Variants in GRIA1 observed in about 807,000 individuals in gnomAD.
GRIA1 encodes glutamate ionotropic receptor AMPA type subunit 1, also known as glutamate receptor 1.
In GRIA1, 31 loss-of-function variants were observed where a neutral mutation model predicts 99.2. The observed-to-expected ratio is 0.31, with a 90% CI of 0.23 to 0.42. The LOEUF is 0.42. Ranked by LOEUF, GRIA1 falls within the 10% of genes least tolerant of loss-of-function variation. The probability of loss-of-function intolerance (pLI) is 1.00; values close to 1 mark genes in which losing one functional copy is unlikely to be tolerated. For missense variants in GRIA1, 782 were observed against 1,157.5 expected, an observed-to-expected ratio of 0.68 and a Z score of 4.71; for synonymous variants, 438 against 432.4, an observed-to-expected ratio of 1.01 and a Z score of -0.16.
chr5:153,779,129 G>GTGC (rs1342423493), intron 13 of GRIA1, among the ~76,000 whole-genome samples: 1 of 152,154 alleles, frequency 6.6e-6, no homozygotes, highest in African/African-American at 2.4e-5. Context: ...TACCAATGAT[G>GTGC]TGCTGGGCAA....
At chr5:153,555,119 A>G (rs1268453365) in intron 2 of GRIA1, among the ~76,000 whole-genome samples, 1 of 152,088 alleles carries the variant, frequency 6.6e-6, no homozygotes, top group Non-Finnish European at 1.5e-5. Context: ...CATAATGTAC[A>G]TGTCACAGGA....
chr5:153,781,324 C>T (rs562224159), intron 13 of GRIA1, among the ~76,000 whole-genome samples: 2 of 151,810 alleles, frequency 1.3e-5, no homozygotes, highest in Non-Finnish European at 2.9e-5. Context: ...ATTCTTTATT[C>T]CCATGGGAAT....
At chr5:153,490,062 GGA>G (rs1216434862), upstream of GRIA1, among the ~76,000 whole-genome samples, 2 of 151,854 alleles carry the variant, frequency 1.3e-5, no homozygotes, top group African/African-American at 4.8e-5. Context: ...CCTTCCATTA[GGA>G]GAGAGAAAGC....
intron 2 of GRIA1, among the ~76,000 whole-genome samples, chr5:153,602,372 G>A (rs1012694994): frequency 2.0e-5 from 3 of 151,388 alleles, no homozygotes; most frequent in African/African-American, 7.3e-5. Flanking sequence ...ACACACTGGG[G>A]CCTGTTGTGG....
At chr5:153,531,414 A>T (rs531653408) in intron 2 of GRIA1, among the ~76,000 whole-genome samples, 9 of 152,204 alleles carry the variant, frequency 5.9e-5, no homozygotes, top group Admixed American at 5.9e-4. Context: ...CTGAAGTCCA[A>T]CCCCAAACCT....
chr5:153,490,534 C>A, upstream of GRIA1: 1 of 355,006 alleles, frequency 2.8e-6, no homozygotes. Flanking sequence ...ATAGAGCTTG[C>A]TGCCTGTGTG....
chr5:153,664,773 C>T (rs1347557356), intron 5 of GRIA1, among the ~76,000 whole-genome samples: 1 of 152,140 alleles, frequency 6.6e-6, no homozygotes, highest in African/African-American at 2.4e-5. Context: ...ATATTTCTTA[C>T]CTGGTTCCCA....
intron 13 of GRIA1, among the ~76,000 whole-genome samples, chr5:153,789,906 T>A (rs1055789509): frequency 4.6e-5 from 7 of 152,132 alleles, no homozygotes; most frequent in African/African-American, 1.7e-4. Flanking sequence ...GTTGTTGTTA[T>A]TTATCAACAA....
intron 2 of GRIA1, among the ~76,000 whole-genome samples, chr5:153,612,711 T>C (rs1766101795): frequency 6.6e-6 from 1 of 152,216 alleles, no homozygotes; most frequent in African/African-American, 2.4e-5. Context: ...CGTAAGGGAC[T>C]TCTTCTACTT....
intron 5 of GRIA1, among the ~76,000 whole-genome samples, chr5:153,669,688 A>G (rs911094880): frequency 6.6e-6 from 1 of 152,242 alleles, no homozygotes; most frequent in Non-Finnish European, 1.5e-5. Flanking sequence ...ATAAATGCCC[A>G]TTCTTTCCAA....
chr5:153,727,762 T>G (rs1357087504), intron 11 of GRIA1, among the ~76,000 whole-genome samples: 1 of 152,178 alleles, frequency 6.6e-6, no homozygotes, highest in Non-Finnish European at 1.5e-5. Flanking sequence ...GAACATTCCA[T>G]GCTCATGGGT....
intron 14 of GRIA1, among the ~76,000 whole-genome samples, chr5:153,796,134 T>G (rs897052516): frequency 9.2e-5 from 14 of 151,420 alleles, no homozygotes; most frequent in African/African-American, 2.4e-4. Context: ...CCAAGCAGGG[T>G]TCTCCATCCA....
chr5:153,578,148 C>CAAAAAAAAAAAAAAAAAAA (rs60901793), intron 2 of GRIA1, among the ~76,000 whole-genome samples: 4 of 69,318 alleles, frequency 5.8e-5, no homozygotes, highest in Non-Finnish European at 9.9e-5. Flanking sequence ...GAGACTCTGT[C>CAAAAAAAAAAAAAAAAAAA]AAAAAAAAAA....
At chr5:153,773,857 G>A (rs1024728852) in intron 13 of GRIA1, among the ~76,000 whole-genome samples, 2 of 152,082 alleles carry the variant, frequency 1.3e-5, no homozygotes, top group Non-Finnish European at 2.9e-5. Context: ...CATAATTCCT[G>A]ATTCAAAAAC....
intron 13 of GRIA1, among the ~76,000 whole-genome samples, chr5:153,781,961 A>C (rs1374462959): frequency 6.6e-6 from 1 of 152,168 alleles, no homozygotes; most frequent in Non-Finnish European, 1.5e-5. Flanking sequence ...AGACGAGTAA[A>C]ATGGGCCAGG....
At chr5:153,494,348 G>A (rs1754210092) in intron 2 of GRIA1, 1 of 372,740 alleles carries the variant, frequency 2.7e-6, no homozygotes, top group East Asian at 4.9e-5. Context: ...ACCTTGCAGA[G>A]GTTTTCTGGC....
rs747932724 is a variant in GRIA1, at chr5:153,646,924, G to A, written c.221-4G>A. 5.0e-6 allele frequency: 8 copies of A among 1,613,648 alleles called. No homozygotes were observed. The highest frequency in any genetic ancestry group is 6.8e-6 in the Non-Finnish European group (8 of 1,179,720). ...TATTCATTAATCCTTCTCTTCTCTT[G>A]TAGTCTGTTCCCAGTTCTCCAAAGG... On this transcript the variant is annotated splice_region_variant and splice_polypyrimidine_tract_variant and intron_variant, in intron 2 of 15. Transcript: ENST00000285900.
intron 5 of GRIA1, among the ~76,000 whole-genome samples, chr5:153,670,051 G>C (rs1167429502): frequency 1.3e-5 from 2 of 152,170 alleles, no homozygotes; most frequent in Admixed American, 1.3e-4. Flanking sequence ...CCTTGGGGAT[G>C]GTTATTTTGC....
chr5:153,579,660 G>GT (rs1762873595), intron 2 of GRIA1, among the ~76,000 whole-genome samples: 1 of 152,150 alleles, frequency 6.6e-6, no homozygotes, highest in Non-Finnish European at 1.5e-5. Flanking sequence ...CTCAAAGCAT[G>GT]TTTTTCTCAT....
Sources: allele counts gnomAD v4.1 joint callset (sites outside exome capture counted in the v4.1 genomes callset), GRCh38; gene constraint gnomAD v4.1.1; transcripts MANE v1.5; gene names NCBI Gene and HGNC (gene_info 2026-07-23, HGNC 2026-07-21).